Variants in SLC22A23 observed in about 807,000 individuals in gnomAD.
The protein encoded by SLC22A23 is solute carrier family 22 member 23.
SLC22A23 carries 26 observed loss-of-function variants against 61.0 expected under a neutral mutation model. The ratio of observed to expected loss-of-function variants is 0.43; its 90% CI spans 0.31 to 0.59. SLC22A23 has a LOEUF of 0.59. SLC22A23 is among the 20% of genes least tolerant of loss of function. The pLI is 0.11. For missense variants in SLC22A23, 796 were observed against 934.7 expected (o/e 0.85, Z 1.94); for synonymous variants, 430 against 413.9 (o/e 1.04, Z -0.47).
Position 3,272,848 on chromosome 6 carries a change from A to C in SLC22A23, c.*207T>G, listed in dbSNP as rs534740027. 6 of 484,436 alleles carry C rather than the reference A, an allele frequency of 1.2e-5. No homozygotes were observed. The Admixed American group carries it at 2.3e-4, about 18-fold the overall frequency. 30.0% of individuals were successfully genotyped at this position (484,436 alleles called of 1,614,324 possible). ...ACACACATTTAACGGCAGAAAAGAA[A>C]GTCTTGAAAGGGTTATTTCCAAAGA... On this transcript the variant is annotated 3_prime_UTR_variant, in exon 10 of 10. Transcript: ENST00000406686.
rs140946007 is a variant in SLC22A23, at chr6:3,398,516, G to C, written c.913+11672C>G. 2.2e-3 allele frequency among the ~76,000 whole-genome samples: 296 copies of C among 135,636 alleles called. 2 individuals carry two copies. The highest frequency in any genetic ancestry group is 7.3e-3 in the African/African-American group (262 of 36,048). The allele number at this position is 135,636 out of a possible 152,430, so 89.0% of individuals were successfully genotyped here. ...AGCCCTGTGGAAGGAAAAACGAAAA[G>C]AAAATAACAGCCCTTAATCAGAGAC... is the stretch of plus-strand genomic sequence containing the variant. On this transcript the variant is annotated intron_variant, in intron 3 of 9. Transcript: ENST00000406686.
intron 3 of SLC22A23, among the ~76,000 whole-genome samples, chr6:3,389,428 G>T (rs1767526208): frequency 6.6e-6 from 1 of 152,166 alleles, no homozygotes; most frequent in Admixed American, 6.5e-5. Context: ...TATCACAATT[G>T]AAATTGAAGT....
rs1581915827 is a variant in SLC22A23 at position 3,456,312 on chromosome 6, G to A, written c.248C>T (p.Ser83Leu). The change falls in exon 1 of 10, where the codon TCG becomes TTG. Residue 83 changes from serine (S) to leucine (L), a missense_variant. Ser to Leu is a moderately radical substitution (Grantham distance 145). Transcript: ENST00000406686. This position sits in a 1 kb window ranked among gnomAD's most constrained non-coding sequence, Gnocchi z 7.1. ...CAGGCCCCCGAGGAAGGGCAGCACC[G>A]ACCCGTCATAGTCCAGCAACAAGAG... ...PSLLLLDYDG[S>L]VLPFLGGLGG... is the part of the protein sequence containing the mutation. 1.3e-6 allele frequency: 2 copies of A among 1,550,514 alleles called. No homozygotes were observed. Among genetic ancestry groups the A allele is most frequent in the African/African-American group, 1.4e-5 (1 of 72,944 alleles).
intron 9 of SLC22A23, among the ~76,000 whole-genome samples, chr6:3,274,741 A>T (rs1368916221): frequency 6.6e-6 from 1 of 152,258 alleles, no homozygotes; most frequent in Non-Finnish European, 1.5e-5. Flanking sequence ...TGCCATTCAC[A>T]ATAACATCCA....
intron 1 of SLC22A23, among the ~76,000 whole-genome samples, chr6:3,434,379 G>A (rs1771068362): frequency 6.6e-6 from 1 of 151,644 alleles, no homozygotes; most frequent in Non-Finnish European, 1.5e-5. Context: ...ACTTTGGGAG[G>A]GCGGGTGGAT....
At chr6:3,371,515 A>G (rs1474441743) in intron 3 of SLC22A23, among the ~76,000 whole-genome samples, 2 of 152,246 alleles carry the variant, frequency 1.3e-5, no homozygotes, top group South Asian at 2.1e-4. Flanking sequence ...GGCTTTGGCC[A>G]GTAGGCGGGG....
At chr6:3,356,344 T>G (rs769813778) in intron 3 of SLC22A23, among the ~76,000 whole-genome samples, 19 of 151,484 alleles carry the variant, frequency 1.3e-4, no homozygotes, top group Non-Finnish European at 1.5e-4. Flanking sequence ...GGTAAAACAG[T>G]GTCTTAGATC....
At chr6:3,338,356 G>A (rs936662513) in intron 3 of SLC22A23, among the ~76,000 whole-genome samples, 17 of 152,256 alleles carry the variant, frequency 1.1e-4, no homozygotes, top group African/African-American at 4.1e-4. Flanking sequence ...TTGAGACGGA[G>A]TCTCACTCTG....
chr6:3,305,453 T>C (rs1761908675), intron 4 of SLC22A23, among the ~76,000 whole-genome samples: 1 of 152,198 alleles, frequency 6.6e-6, no homozygotes. Flanking sequence ...TTAAGTTTTA[T>C]GACGCGCTCC....
At chr6:3,355,343 C>A (rs1178933334) in intron 3 of SLC22A23, among the ~76,000 whole-genome samples, 1 of 151,986 alleles carries the variant, frequency 6.6e-6, no homozygotes, top group Non-Finnish European at 1.5e-5. Context: ...CAGTGAGAAG[C>A]CTTTGAACTT....
chr6:3,430,349 GC>G (rs1019426300), intron 1 of SLC22A23, among the ~76,000 whole-genome samples: 2 of 152,064 alleles, frequency 1.3e-5, no homozygotes, highest in African/African-American at 4.8e-5. Flanking sequence ...TGACCAGACT[GC>G]CCCCCTCCCT....
At chr6:3,432,938 G>A (rs900337677) in intron 1 of SLC22A23, among the ~76,000 whole-genome samples, 4 of 152,188 alleles carry the variant, frequency 2.6e-5, no homozygotes, top group Admixed American at 6.5e-5. Context: ...TGCAGAGCAG[G>A]TTCCATCAGA....
At chr6:3,439,487 CAT>C in intron 1 of SLC22A23, 1 of 282,760 alleles carries the variant, frequency 3.5e-6, no homozygotes, top group South Asian at 3.2e-5. Flanking sequence ...GGTTTAAAGA[CAT>C]AATCAACTCC....
Position 3,415,618 on chromosome 6 carries a change from G to A in SLC22A23, c.758+134C>T, listed in dbSNP as rs138501934. 8.5e-5 allele frequency: 53 copies of A among 621,186 alleles called. No individual in the cohort carries two copies. In the East Asian group the frequency reaches 8.6e-4, roughly 10 times the overall value. The allele number at this position is 621,186 out of a possible 1,614,324, so 38.5% of individuals were successfully genotyped here. On this transcript the variant is annotated intron_variant, in intron 2 of 9. Transcript: ENST00000406686. ...TTTCTCCGAGCTCTGCATTCTCCAC[G>A]TGGCAGCTTTGGCCTTCTGCTCTGG...
chr6:3,415,839 TCA>T lies in SLC22A23; in HGVS notation c.669_670del (p.Cys223Ter). On this transcript the variant is annotated stop_gained and frameshift_variant, in exon 2 of 10. Transcript: ENST00000406686. LOFTEE classifies it high-confidence loss of function. ...AGCGATATGGACCTTCCAGGCATTA[TCA>T]CACACAAGATCCCACTAGAGAGGGG... The T allele has an allele frequency of 6.4e-7, 1 of 1,551,976 alleles. No individual in the cohort carries two copies. The highest frequency in any genetic ancestry group is 8.7e-7 in the Non-Finnish European group (1 of 1,146,866).
chr6:3,309,452 C>G lies in SLC22A23; in HGVS notation c.1083-11234G>C, dbSNP rs961749042. On this transcript the variant is annotated intron_variant, in intron 4 of 9. Coordinates refer to ENST00000406686, the MANE Select transcript of SLC22A23 (RefSeq NM_015482.2). This position sits in a 1 kb window ranked among gnomAD's most constrained non-coding sequence, Gnocchi z 4.7. ...GGGTCTTCAGACAACTGAATCCTAGCTGAGAAAGCCCCAGGCCACTAACGC... is the reference window on the plus strand; with the variant it reads ...GGGTCTTCAGACAACTGAATCCTAGGTGAGAAAGCCCCAGGCCACTAACGC... 1.3e-5 allele frequency among the ~76,000 whole-genome samples: 2 copies of G among 152,212 alleles called. No homozygotes were observed. Among genetic ancestry groups the G allele is most frequent in the African/African-American group, 4.8e-5 (2 of 41,450 alleles).
intron 9 of SLC22A23, among the ~76,000 whole-genome samples, chr6:3,283,197 C>T (rs780428396): frequency 4.9e-4 from 75 of 151,774 alleles, no homozygotes; most frequent in African/African-American, 1.8e-3. Context: ...TTTGGGAGGC[C>T]AAGGTGGGGG....
chr6:3,371,590 C>G (rs1340718420), intron 3 of SLC22A23, among the ~76,000 whole-genome samples: 4 of 152,076 alleles, frequency 2.6e-5, no homozygotes, highest in African/African-American at 9.7e-5. Flanking sequence ...AGGGGAATTG[C>G]CTGAACTTCC....
At chr6:3,377,002 A>T (rs895789640) in intron 3 of SLC22A23, among the ~76,000 whole-genome samples, 1 of 152,018 alleles carries the variant, frequency 6.6e-6, no homozygotes, top group African/African-American at 2.4e-5. Flanking sequence ...GAGAGCTCCA[A>T]TTCTGATCTA....
Sources: gnomAD v4.1 joint callset for allele counts (sites outside exome capture counted in the v4.1 genomes callset) on GRCh38, gnomAD v4.1.1 for gene constraint, Gnocchi (gnomAD v3.1) non-coding constraint, MANE v1.5 for transcripts, NCBI Gene and HGNC (gene_info 2026-07-23, HGNC 2026-07-21) for gene names.